Variants in KCNQ5 observed in about 807,000 individuals in gnomAD.
KCNQ5 encodes potassium voltage-gated channel subfamily KQT member 5.
Under a neutral mutation model 98.2 loss-of-function variants are expected in KCNQ5, and 30 were observed. The observed-to-expected ratio is 0.31, with a 90% CI of 0.23 to 0.41. KCNQ5 has a LOEUF of 0.41. Ranked by LOEUF, KCNQ5 falls within the 10% of genes least tolerant of loss-of-function variation. KCNQ5 has a pLI of 1.00. For missense variants in KCNQ5, 835 were observed against 1,182.5 expected, an observed-to-expected ratio of 0.71 and a Z score of 4.31; for synonymous variants, 458 against 449.4, an observed-to-expected ratio of 1.02 and a Z score of -0.24.
At chr6:72,790,571 G>A (rs1334563848) in intron 1 of KCNQ5, among the ~76,000 whole-genome samples, 1 of 152,124 alleles carries the variant, frequency 6.6e-6, no homozygotes, top group African/African-American at 2.4e-5. Flanking sequence ...AAAATCACTA[G>A]AAATAATGAA....
At chr6:72,755,668 A>G (rs900708453) in intron 1 of KCNQ5, among the ~76,000 whole-genome samples, 2 of 152,162 alleles carry the variant, frequency 1.3e-5, no homozygotes, top group Non-Finnish European at 2.9e-5. Flanking sequence ...CATACATTTT[A>G]CTTCTACTTA....
chr6:73,171,480 A>G (rs535616142), intron 11 of KCNQ5, among the ~76,000 whole-genome samples: 14 of 152,226 alleles, frequency 9.2e-5, no homozygotes, highest in Non-Finnish European at 1.8e-4. Flanking sequence ...TGAAGCCTTC[A>G]GTTAAAGGGA....
At chr6:72,694,219 T>C (rs1038446607) in intron 1 of KCNQ5, among the ~76,000 whole-genome samples, 1 of 152,160 alleles carries the variant, frequency 6.6e-6, no homozygotes, top group Non-Finnish European at 1.5e-5. Context: ...CTGTGAGGAA[T>C]AGCAGCACAA....
At chr6:72,691,465 C>G (rs1390844553) in intron 1 of KCNQ5, among the ~76,000 whole-genome samples, 1 of 152,140 alleles carries the variant, frequency 6.6e-6, no homozygotes, top group Non-Finnish European at 1.5e-5. Flanking sequence ...AATAAGGTTT[C>G]CCTTGAAGTA....
intron 1 of KCNQ5, among the ~76,000 whole-genome samples, chr6:72,657,754 T>A (rs2154472733): frequency 6.6e-6 from 1 of 152,358 alleles, no homozygotes; most frequent in African/African-American, 2.4e-5. Flanking sequence ...TTTATATTTG[T>A]CGAACTTGTA....
At chr6:73,138,737 CAGG>C (rs1776581651) in intron 10 of KCNQ5, among the ~76,000 whole-genome samples, 1 of 152,278 alleles carries the variant, frequency 6.6e-6, no homozygotes, top group Admixed American at 6.5e-5. Context: ...AGCCTGGGTT[CAGG>C]AGATGTTTAG....
At chr6:73,058,302 C>T (rs4708018) in intron 3 of KCNQ5, among the ~76,000 whole-genome samples, 50 of 152,230 alleles carry the variant, frequency 3.3e-4, no homozygotes, top group Admixed American at 3.3e-3. Context: ...GTCCCAGCTA[C>T]TCGGGAGGCT....
intron 5 of KCNQ5, among the ~76,000 whole-genome samples, chr6:73,096,168 G>A (rs922949665): frequency 6.6e-6 from 1 of 152,102 alleles, no homozygotes; most frequent in Non-Finnish European, 1.5e-5. Flanking sequence ...AGGCATCCCG[G>A]ATGGGAGAAA....
chr6:72,832,182 G>T (rs1776303078), intron 1 of KCNQ5, among the ~76,000 whole-genome samples: 1 of 152,066 alleles, frequency 6.6e-6, no homozygotes, highest in Non-Finnish European at 1.5e-5. Context: ...ATGAGATGTG[G>T]CAATGGATAA....
At chr6:72,966,932 G>A (rs1309430434) in intron 1 of KCNQ5, among the ~76,000 whole-genome samples, 1 of 152,184 alleles carries the variant, frequency 6.6e-6, no homozygotes, top group East Asian at 1.9e-4. Flanking sequence ...GGAGTTGGAG[G>A]AATTAAGGAA....
intron 1 of KCNQ5, among the ~76,000 whole-genome samples, chr6:72,785,498 A>T (rs1408893102): frequency 1.3e-5 from 2 of 151,984 alleles, no homozygotes; most frequent in Non-Finnish European, 2.9e-5. Context: ...AAAATGCAAA[A>T]AATTAGCTGG....
At position 73,195,131 on chromosome 6, in the gene KCNQ5, C is replaced by T. The variant is rs761244914; in HGVS notation, c.2516C>T (p.Thr839Ile). ...SLSVQNLIRSTEELNIQLSGS... is the reference protein window; with the variant it reads ...SLSVQNLIRSIEELNIQLSGS... ...TCTGTGCAAAACCTGATCAGGTCGA[C>T]CGAGGAACTGAATATACAACTTTCA... The change falls in exon 14 of 14, where the codon ACC (threonine) becomes ATC (isoleucine). Residue 839 changes from threonine (T) to isoleucine (I), a missense_variant. Physicochemically the swap from Thr to Ile is moderately conservative, Grantham distance 89. This residue lies in a region of KCNQ5 where 416 missense variants were observed against 446.9 expected (regional missense o/e 0.93). Coordinates refer to ENST00000370398, the MANE Select transcript of KCNQ5 (RefSeq NM_019842.4). 5 of 1,614,186 alleles carry T rather than the reference C, an allele frequency of 3.1e-6. No individual in the cohort carries two copies. The East Asian group carries it at 1.1e-4, about 36-fold the overall frequency.
chr6:72,724,804 A>G (rs1339681334), intron 1 of KCNQ5, among the ~76,000 whole-genome samples: 2 of 152,186 alleles, frequency 1.3e-5, no homozygotes, highest in African/African-American at 4.8e-5. Flanking sequence ...GCAACAACTC[A>G]TGCTTGTACA....
At chr6:73,021,014 T>C (rs1770581904) in intron 2 of KCNQ5, among the ~76,000 whole-genome samples, 1 of 152,182 alleles carries the variant, frequency 6.6e-6, no homozygotes, top group Admixed American at 6.5e-5. Context: ...AAAAATAATG[T>C]TCCTTCTATT....
At chr6:73,093,484 G>A (rs1337418837) in intron 5 of KCNQ5, among the ~76,000 whole-genome samples, 1 of 151,922 alleles carries the variant, frequency 6.6e-6, no homozygotes, top group Non-Finnish European at 1.5e-5. Context: ...CTAGTTCCTT[G>A]AGGTGTGACC....
intron 1 of KCNQ5, among the ~76,000 whole-genome samples, chr6:72,662,185 T>G (rs1183969292): frequency 6.6e-6 from 1 of 152,182 alleles, no homozygotes; most frequent in Non-Finnish European, 1.5e-5. Context: ...AACCTTATTT[T>G]TTGGTGCAGC....
chr6:73,015,755 A>C (rs1770306061), intron 2 of KCNQ5, among the ~76,000 whole-genome samples: 1 of 152,132 alleles, frequency 6.6e-6, no homozygotes, highest in African/African-American at 2.4e-5. Context: ...GATAAATTTT[A>C]CAGGGTTACT....
chr6:73,021,849 C>A (rs943190948), intron 2 of KCNQ5, among the ~76,000 whole-genome samples: 16 of 152,124 alleles, frequency 1.1e-4, no homozygotes, highest in Non-Finnish European at 2.9e-5. Context: ...TAATGTGGAA[C>A]ACAAGTTTCA....
At chr6:72,816,249 G>A (rs1164243747) in intron 1 of KCNQ5, among the ~76,000 whole-genome samples, 1 of 152,210 alleles carries the variant, frequency 6.6e-6, no homozygotes, top group Non-Finnish European at 1.5e-5. Flanking sequence ...CAGGAAAGTA[G>A]AAGAGTAGTA....
Sources: allele counts gnomAD v4.1 joint callset (sites outside exome capture counted in the v4.1 genomes callset), GRCh38; gene constraint gnomAD v4.1.1; regional missense constraint gnomAD v4.1.1; transcripts MANE v1.5; gene names NCBI Gene and HGNC (gene_info 2026-07-23, HGNC 2026-07-21).